NAT2: variants seen among roughly 807,000 people sequenced by gnomAD.
NAT2 encodes N-acetyltransferase 2, also known as arylamine N-acetyltransferase 2.
For synonymous variants in NAT2, 137 were observed against 125.9 expected, an observed-to-expected ratio of 1.09 and a Z score of -0.59; for missense variants, 428 against 339.1, an observed-to-expected ratio of 1.26 and a Z score of -2.06.
At chr8:18,397,803 T>A (rs1188212701) in intron 1 of NAT2, among the ~76,000 whole-genome samples, 8 of 152,190 alleles carry the variant, frequency 5.3e-5, no homozygotes, top group Admixed American at 5.2e-4. Flanking sequence ...CTTTTAGCCT[T>A]TTCTTCATTT....
chr8:18,390,393 T>C (rs1800574486), upstream of NAT2, among the ~76,000 whole-genome samples: 1 of 152,136 alleles, frequency 6.6e-6, no homozygotes, highest in South Asian at 2.1e-4. Context: ...AAAGAGGGTA[T>C]GGAAGCTAGA....
chr8:18,395,689 A>T (rs1354396432), intron 1 of NAT2, among the ~76,000 whole-genome samples: 3 of 152,186 alleles, frequency 2.0e-5, no homozygotes, highest in African/African-American at 7.2e-5. Flanking sequence ...CAAGTTTCAT[A>T]TATTAAAAGC....
chr8:18,400,025 G>T lies in NAT2; in HGVS notation c.22G>T (p.Glu8Ter), dbSNP rs1800759876. 3.1e-5 allele frequency: 49 copies of T among 1,589,430 alleles called. No individual in the cohort carries two copies. The highest frequency in any genetic ancestry group is 4.1e-5 in the Non-Finnish European group (48 of 1,165,736). Residue 8 changes from glutamate to a stop codon, truncating the protein, a stop_gained, in exon 2 of 2, where the codon GAA (glutamate) becomes TAA (stop). Coordinates refer to ENST00000286479, the MANE Select transcript of NAT2 (RefSeq NM_000015.3). LOFTEE classifies it low-confidence loss of function (END_TRUNC). The stretch of plus-strand genomic sequence containing the variant: ...GATCATGGACATTGAAGCATATTTT[G>T]AAAGAATTGGCTATAAGAACTCTAG... Reference protein sequence around the residue: MDIEAYFERIGYKNSRNK... With the variant: MDIEAYF
chr8:18,389,531 A>G (rs1800560332), upstream of NAT2, among the ~76,000 whole-genome samples: 1 of 152,238 alleles, frequency 6.6e-6, no homozygotes, highest in African/African-American at 2.4e-5. Flanking sequence ...AAGAACACTG[A>G]GCTATCATCT....
chr8:18,393,529 A>G (rs1320176672), intron 1 of NAT2, among the ~76,000 whole-genome samples: 2 of 152,238 alleles, frequency 1.3e-5, no homozygotes, highest in Admixed American at 6.5e-5. Flanking sequence ...AAGCTAGTCT[A>G]TAGCTTTTTC....
chr8:18,390,108 G>A (rs1186693415), upstream of NAT2, among the ~76,000 whole-genome samples: 1 of 152,186 alleles, frequency 6.6e-6, no homozygotes, highest in South Asian at 2.1e-4. Context: ...TTAGTCTCCA[G>A]TTCCCATCAT....
In NAT2 at chr8:18,399,945, G is replaced by C. The variant is rs541157692; in HGVS notation, c.-6-53G>C. On this transcript the variant is annotated intron_variant, in intron 1 of 1. Coordinates refer to ENST00000286479, the MANE Select transcript of NAT2 (RefSeq NM_000015.3). The stretch of plus-strand genomic sequence containing the variant: ...TTATACCTATAATTAGTCACACGAG[G>C]AAATCAAATGCTAAAGTATGATATG... 7 of 1,503,694 alleles carry C rather than the reference G, an allele frequency of 4.7e-6. No individual in the cohort carries two copies. The African/African-American group carries it at 9.8e-5, about 21-fold the overall frequency. The allele number at this position is 1,503,694 out of a possible 1,614,324, so 93.1% of individuals were successfully genotyped here.
upstream of NAT2, among the ~76,000 whole-genome samples, chr8:18,386,440 G>A (rs947612223): frequency 4.6e-5 from 7 of 152,086 alleles, no homozygotes; most frequent in African/African-American, 1.7e-4. Context: ...ATGCGGCCCG[G>A]GCTACTAAGG....
chr8:18,399,580 T>C (rs1383681778), intron 1 of NAT2, among the ~76,000 whole-genome samples: 2 of 152,168 alleles, frequency 1.3e-5, no homozygotes, highest in African/African-American at 2.4e-5. Context: ...ATCAAGTGGG[T>C]CATGTACCAT....
Position 18,400,931 on chromosome 8 carries a change from A to C in NAT2, c.*55A>C. The C allele has an allele frequency of 7.4e-7, 1 of 1,352,556 alleles. No individual in the cohort carries two copies. The highest frequency in any genetic ancestry group is 2.3e-5 in the East Asian group (1 of 42,680). The allele number at this position is 1,352,556 out of a possible 1,614,324, so 83.8% of individuals were successfully genotyped here. A position where few individuals can be genotyped will look rare whatever the true frequency, so the allele number is the denominator to read the frequency against. ...GTATCACCCAACTCACTAATTATCAACTTATGTGCTATCAGATATCCTCTC... is the reference window on the plus strand; with the variant it reads ...GTATCACCCAACTCACTAATTATCACCTTATGTGCTATCAGATATCCTCTC... On this transcript the variant is annotated 3_prime_UTR_variant, in exon 2 of 2. Transcript: ENST00000286479.
chr8:18,395,438 G>T (rs1437892526), intron 1 of NAT2, among the ~76,000 whole-genome samples: 1 of 151,952 alleles, frequency 6.6e-6, no homozygotes, highest in Admixed American at 6.6e-5. Flanking sequence ...GGAATATCAC[G>T]CAATGTTGAA....
chr8:18,399,112 C>T (rs1432234852), intron 1 of NAT2, among the ~76,000 whole-genome samples: 1 of 152,168 alleles, frequency 6.6e-6, no homozygotes. Flanking sequence ...TGACTGTGCT[C>T]CAGTCACCCT....
intron 1 of NAT2, among the ~76,000 whole-genome samples, chr8:18,398,800 A>G (rs1800738206): frequency 6.6e-6 from 1 of 152,122 alleles, no homozygotes; most frequent in African/African-American, 2.4e-5. Flanking sequence ...ATAGAGTTTC[A>G]ATGATCTACT....
chr8:18,400,581 C>G lies in NAT2; in HGVS notation c.578C>G (p.Thr193Arg). ...AAACACCAAAAAATATACTTATTTA[C>G]GCTTGAACCTCGAACAATTGAAGAT... ...KKKHQKIYLF[T>R]LEPRTIEDFE... The change falls in exon 2 of 2, where the codon ACG becomes AGG. Residue 193 changes from threonine to arginine, a missense_variant. Thr to Arg is a moderately conservative substitution (Grantham distance 71). Coordinates refer to ENST00000286479, the MANE Select transcript of NAT2 (RefSeq NM_000015.3). 6.2e-7 allele frequency: 1 copy of G among 1,612,990 alleles called. No individual in the cohort carries two copies. The highest frequency in any genetic ancestry group is 8.5e-7 in the Non-Finnish European group (1 of 1,179,764).
intron 1 of NAT2, 133 bp from the exon 2 acceptor site, chr8:18,399,865 A>G: frequency 9.6e-7 from 1 of 1,042,120 alleles, no homozygotes; most frequent in Non-Finnish European, 1.3e-6. Context: ...TACTAACAAA[A>G]GAATTACTAT....
intron 1 of NAT2, among the ~76,000 whole-genome samples, chr8:18,395,273 G>C (rs1185686837): frequency 3.9e-5 from 6 of 151,994 alleles, no homozygotes; most frequent in African/African-American, 1.5e-4. Context: ...CTTTTTAAAA[G>C]CACCAAAGTA....
At chr8:18,390,621 T>C (rs1191078489), upstream of NAT2, among the ~76,000 whole-genome samples, 1 of 152,002 alleles carries the variant, frequency 6.6e-6, no homozygotes, top group Non-Finnish European at 1.5e-5. Flanking sequence ...TAAATAAAAA[T>C]TTACACAAAT....
intron 1 of NAT2, among the ~76,000 whole-genome samples, chr8:18,398,542 G>A (rs1320014308): frequency 2.0e-5 from 3 of 152,140 alleles, no homozygotes; most frequent in Non-Finnish European, 4.4e-5. Context: ...AAGAAAAACT[G>A]ACTTCTGAAG....
upstream of NAT2, among the ~76,000 whole-genome samples, chr8:18,390,838 T>A (rs1800581630): frequency 6.6e-6 from 1 of 152,066 alleles, no homozygotes; most frequent in Non-Finnish European, 1.5e-5. Flanking sequence ...AGAGTGAGGA[T>A]GAGAGATGAA....
Sources: allele counts gnomAD v4.1 joint callset (sites outside exome capture counted in the v4.1 genomes callset), GRCh38; gene constraint gnomAD v4.1.1; transcripts MANE v1.5; gene names NCBI Gene and HGNC (gene_info 2026-07-23, HGNC 2026-07-21).